Variants in RFX1 observed in about 807,000 individuals in gnomAD.
RFX1 encodes the protein regulatory factor X1.
RFX1 carries 42 observed loss-of-function variants against 119.6 expected under a neutral mutation model. The ratio of observed to expected loss-of-function variants is 0.35; its 90% CI spans 0.27 to 0.45. The LOEUF is 0.45. Ranked by LOEUF, RFX1 falls within the 20% of genes least tolerant of loss-of-function variation. The pLI is 1.00. For missense variants in RFX1, 1,118 were observed against 1,368.1 expected, an observed-to-expected ratio of 0.82 and a Z score of 2.88; for synonymous variants, 628 against 618.5, an observed-to-expected ratio of 1.02 and a Z score of -0.23.
At position 13,963,477 on chromosome 19, in the gene RFX1, A is replaced by T; in HGVS notation, c.2570+61T>A. On this transcript the variant is annotated intron_variant, in intron 18 of 20. Transcript: ENST00000254325. Reference sequence around the variant, plus strand: ...GGGTCGTCGTAGAAGAGCACCTGAGACCCCCAGGGACGCGGGGCCTTCCCT... The same window carrying T: ...GGGTCGTCGTAGAAGAGCACCTGAGTCCCCCAGGGACGCGGGGCCTTCCCT... 4 of 1,501,890 alleles carry T rather than the reference A, an allele frequency of 2.7e-6. No individual in the cohort carries two copies. In the South Asian group the frequency reaches 3.6e-5, roughly 13 times the overall value. 93.0% of individuals were successfully genotyped at this position (1,501,890 alleles called of 1,614,324 possible).
intron 4 of RFX1, among the ~76,000 whole-genome samples, chr19:13,982,862 C>T (rs1266956200): frequency 1.3e-5 from 2 of 152,222 alleles, no homozygotes; most frequent in Non-Finnish European, 2.9e-5. Flanking sequence ...GACAGACCAC[C>T]CTGTGCTGGC....
chr19:13,995,469 A>T (rs1014431844), intron 1 of RFX1, among the ~76,000 whole-genome samples: 3 of 152,096 alleles, frequency 2.0e-5, no homozygotes, highest in Non-Finnish European at 4.4e-5. Flanking sequence ...CATCAGTGGG[A>T]CAGTGCCCTT....
At chr19:14,005,918 G>C (rs1350160104) in intron 1 of RFX1, among the ~76,000 whole-genome samples, 185 bp downstream of exon 1, 1 of 151,264 alleles carries the variant, frequency 6.6e-6, no homozygotes, top group East Asian at 1.9e-4. Context: ...GCCGGGCCGC[G>C]GGGACGGGGG....
chr19:13,966,664 G>T lies in RFX1; in HGVS notation c.1820C>A (p.Ala607Asp), dbSNP rs1205967623. The stretch of plus-strand genomic sequence containing the variant: ...GTGTTCCCGGTACAGGACCTGGAAG[G>T]CTTTGATGTCCCCGGGCCCGACGCC... ...PEGVGPGDIK[A>D]FQVLYREHCE... The change falls in exon 13 of 21, where the codon GCC (alanine) becomes GAC (aspartate). Residue 607 changes from alanine (A) to aspartate (D), a missense_variant. Ala to Asp is a moderately radical substitution (Grantham distance 126). Around this residue, in one of 5 missense-constraint regions of RFX1, gnomAD observed 338 missense variants for 508.9 expected, o/e 0.66. Coordinates refer to ENST00000254325, the MANE Select transcript of RFX1 (RefSeq NM_002918.5). The surrounding 1 kb of genome is among the most constrained non-coding windows in gnomAD (Gnocchi z 6.3). 3 of 1,609,708 alleles carry T rather than the reference G, an allele frequency of 1.9e-6. No homozygotes were observed. The highest frequency in any genetic ancestry group is 2.5e-6 in the Non-Finnish European group (3 of 1,178,040).
At position 13,969,013 on chromosome 19, in the gene RFX1, C is replaced by T; in HGVS notation, c.1497-119G>A. 2 of 1,165,102 alleles carry T rather than the reference C, an allele frequency of 1.7e-6. No individual in the cohort carries two copies. Among genetic ancestry groups the T allele is most frequent in the South Asian group, 3.0e-5 (2 of 66,120 alleles). 72.2% of individuals were successfully genotyped at this position (1,165,102 alleles called of 1,614,324 possible). The stretch of plus-strand genomic sequence containing the variant: ...GGAGAATGGATAGAGAGACGCCTGC[C>T]CTGCAGAGACGGGGGTGCTGCACTG... On this transcript the variant is annotated intron_variant, in intron 10 of 20. Transcript: ENST00000254325. The surrounding 1 kb of genome is among the most constrained non-coding windows in gnomAD (Gnocchi z 4.5).
In RFX1 at chr19:13,969,976, G is replaced by A. The variant is rs1974024572; in HGVS notation, c.1496+18C>T. On this transcript the variant is annotated intron_variant, in intron 10 of 20. Coordinates refer to ENST00000254325, the MANE Select transcript of RFX1 (RefSeq NM_002918.5). The surrounding 1 kb of genome is among the most constrained non-coding windows in gnomAD (Gnocchi z 4.5). ...ACCAATTCCCCAGGGACTGCTGGGA[G>A]TAGACGGATGGCCCTACCTGGTGCC... The A allele has an allele frequency of 1.3e-6, 2 of 1,593,972 alleles. No individual in the cohort carries two copies. Among genetic ancestry groups the A allele is most frequent in the African/African-American group, 2.7e-5 (2 of 74,748 alleles).
At position 13,966,647 on chromosome 19, in the gene RFX1, G is replaced by A. The variant is rs772668549; in HGVS notation, c.1837C>T (p.Arg613Trp). The A allele has an allele frequency of 6.2e-7, 1 of 1,603,702 alleles. No individual in the cohort carries two copies. Among genetic ancestry groups the A allele is most frequent in the Non-Finnish European group, 8.5e-7 (1 of 1,174,068 alleles). Reference sequence around the variant, plus strand: ...GGCCACCCTACCTCACAGTGTTCCCGGTACAGGACCTGGAAGGCTTTGATG... The same window carrying A: ...GGCCACCCTACCTCACAGTGTTCCCAGTACAGGACCTGGAAGGCTTTGATG... Reference protein sequence around the residue: ...GDIKAFQVLYREHCEAIVDVM... With the variant: ...GDIKAFQVLYWEHCEAIVDVM... The change falls in exon 13 of 21, where the codon CGG becomes TGG. Residue 613 changes from arginine to tryptophan, a missense_variant. Physicochemically the swap from Arg to Trp is moderately radical, Grantham distance 101 (BLOSUM62 -3). This residue lies in a region of RFX1 where 338 missense variants were observed against 508.9 expected (regional missense o/e 0.66). Transcript: ENST00000254325. The surrounding 1 kb of genome is among the most constrained non-coding windows in gnomAD (Gnocchi z 6.3).
intron 8 of RFX1, among the ~76,000 whole-genome samples, chr19:13,977,579 G>A (rs1023964014): frequency 2.0e-5 from 3 of 151,976 alleles, no homozygotes; most frequent in Non-Finnish European, 4.4e-5. Context: ...ACCACTCCTG[G>A]CTAACTTTTG....
At chr19:13,977,819 A>G (rs1249126304) in intron 8 of RFX1, among the ~76,000 whole-genome samples, 173 bp downstream of exon 8, 5 of 145,546 alleles carry the variant, frequency 3.4e-5, no homozygotes, top group African/African-American at 1.3e-4. Context: ...CTGCTTCGCC[A>G]CTTTTCGTGG....
chr19:13,962,859 C>T lies in RFX1; in HGVS notation c.2776G>A (p.Glu926Lys). 6.5e-7 allele frequency: 1 copy of T among 1,529,156 alleles called. No homozygotes were observed. The highest frequency in any genetic ancestry group is 8.8e-7 in the Non-Finnish European group (1 of 1,139,172). The allele number at this position is 1,529,156 out of a possible 1,614,324, so 94.7% of individuals were successfully genotyped here. ...LNPLDPDKDE[E>K]EEEEEESEDE... is the part of the protein sequence containing the mutation. ...TCGCTCTCCTCCTCCTCTTCTTCCT[C>T]CTCGTCTGGAACACAGGGACCAAGT... Residue 926 changes from glutamate (E) to lysine (K), a missense_variant, in exon 21 of 21, where the codon GAG (glutamate) becomes AAG (lysine). Glu to Lys is a moderately conservative substitution (Grantham distance 56). Coordinates refer to ENST00000254325, the MANE Select transcript of RFX1 (RefSeq NM_002918.5).
chr19:13,983,699 C>T, intron 2 of RFX1, 104 bp from the exon 3 acceptor site: 1 of 928,452 alleles, frequency 1.1e-6, no homozygotes. Flanking sequence ...CAACCCCCAG[C>T]AAGGTCAGGC....
rs1258753955 is a variant in RFX1 at position 13,972,641 on chromosome 19, C to A, written c.1314+102G>T. On this transcript the variant is annotated intron_variant, in intron 9 of 20. Transcript: ENST00000254325. ...TTCTCTTCATTGGGGGCCACACAGG[C>A]TCCTGCTAGCGGTGGTTGGTAACCA... 26 of 831,474 alleles carry A rather than the reference C, an allele frequency of 3.1e-5. No individual in the cohort carries two copies. In the East Asian group the frequency reaches 5.8e-4, roughly 19 times the overall value. The allele number at this position is 831,474 out of a possible 1,614,324, so 51.5% of individuals were successfully genotyped here.
intron 9 of RFX1, among the ~76,000 whole-genome samples, chr19:13,972,230 T>C (rs1001690510): frequency 6.7e-6 from 1 of 149,690 alleles, no homozygotes; most frequent in Non-Finnish European, 1.5e-5. Context: ...AGAATCTTGC[T>C]GTGTCTCCCA....
chr19:13,963,090 C>A (rs750768887), intron 19 of RFX1, 32 bp downstream of exon 19: 8 of 1,606,614 alleles, frequency 5.0e-6, no homozygotes, highest in Non-Finnish European at 5.1e-6. Flanking sequence ...CCTGGCGCCC[C>A]GCCCGCGCCC....
chr19:13,994,799 A>G (rs1200062543), intron 1 of RFX1, among the ~76,000 whole-genome samples: 1 of 147,816 alleles, frequency 6.8e-6, no homozygotes, highest in African/African-American at 2.5e-5. Flanking sequence ...GTACATATAT[A>G]TACATATATA....
At chr19:13,964,688 G>C (rs1447222691) in intron 16 of RFX1, among the ~76,000 whole-genome samples, 1 of 152,168 alleles carries the variant, frequency 6.6e-6, no homozygotes, top group East Asian at 1.9e-4. Context: ...CACCATGTTG[G>C]CCAGGCTGGT....
intron 1 of RFX1, among the ~76,000 whole-genome samples, chr19:14,001,839 A>T (rs929408513): frequency 6.6e-6 from 1 of 152,192 alleles, no homozygotes; most frequent in Non-Finnish European, 1.5e-5. Flanking sequence ...TGTCTCTACT[A>T]AAAATACAGA....
chr19:13,979,634 C>A, intron 6 of RFX1, 92 bp from the exon 7 acceptor site: 1 of 782,576 alleles, frequency 1.3e-6, no homozygotes, highest in South Asian at 2.3e-5. Flanking sequence ...GTAAAGCTCA[C>A]AGCAGACCCA....
chr19:13,962,541 C>A lies in RFX1; in HGVS notation c.*154G>T, dbSNP rs1285185917. 3.2e-6 allele frequency: 2 copies of A among 620,236 alleles called. No individual in the cohort carries two copies. The highest frequency in any genetic ancestry group is 4.1e-5 in the South Asian group (2 of 48,366). The allele number at this position is 620,236 out of a possible 1,614,324, so 38.4% of individuals were successfully genotyped here. A position where few individuals can be genotyped will look rare whatever the true frequency, so the allele number is the denominator to read the frequency against. ...CCGCCCAGCCCACTGATTGTGCCGG[C>A]CCCATAAGGGAGGAGGGCCCCGGTC... On this transcript the variant is annotated 3_prime_UTR_variant, in exon 21 of 21. Coordinates refer to ENST00000254325, the MANE Select transcript of RFX1 (RefSeq NM_002918.5).
Sources: gnomAD v4.1 joint callset for allele counts (sites outside exome capture counted in the v4.1 genomes callset) on GRCh38, gnomAD v4.1.1 for gene constraint, gnomAD v4.1.1 regional missense constraint, Gnocchi (gnomAD v3.1) non-coding constraint, MANE v1.5 for transcripts, NCBI Gene and HGNC (gene_info 2026-07-23, HGNC 2026-07-21) for gene names.